The following GPR63 variants were observed in gnomAD, a reference collection of about 807,000 sequenced individuals.
GPR63 encodes probable G protein-coupled receptor 63.
Under a neutral mutation model 23.1 loss-of-function variants are expected in GPR63, and 12 were observed. The observed-to-expected ratio is 0.52, with a 90% CI of 0.33 to 0.84. GPR63 has a LOEUF of 0.84. GPR63 is among the 40% of genes least tolerant of loss of function. The pLI is 0.02. For missense variants in GPR63, 472 were observed against 515.6 expected, an observed-to-expected ratio of 0.92 and a Z score of 0.82; for synonymous variants, 172 against 191.1, an observed-to-expected ratio of 0.90 and a Z score of 0.82.
chr6:96,800,340 C>G (rs2127943034), intron 1 of GPR63, among the ~76,000 whole-genome samples: 1 of 152,072 alleles, frequency 6.6e-6, no homozygotes, highest in Non-Finnish European at 1.5e-5. Context: ...AGCACAAAAC[C>G]AGATGACAAA....
intron 1 of GPR63, among the ~76,000 whole-genome samples, chr6:96,814,861 G>T (rs1774124529): frequency 6.6e-6 from 1 of 152,080 alleles, no homozygotes; most frequent in Non-Finnish European, 1.5e-5. Context: ...CTAAAACAAG[G>T]ACATTTCTGT....
At chr6:96,831,916 T>A (rs1008970062) in intron 1 of GPR63, among the ~76,000 whole-genome samples, 21 of 150,854 alleles carry the variant, frequency 1.4e-4, no homozygotes, top group East Asian at 1.9e-4. Context: ...AAAAAAAAAA[T>A]AAAAAATAAA....
At chr6:96,805,608 T>C (rs34449385) in intron 1 of GPR63, among the ~76,000 whole-genome samples, 6,063 of 152,298 alleles carry the variant, frequency 0.04, 149 homozygotes, top group Non-Finnish European at 0.058. Flanking sequence ...ATGCCATGGT[T>C]ATTCTACCAG....
Position 96,825,816 on chromosome 6 carries a change from C to T in GPR63, c.-151+11452G>A, listed in dbSNP as rs190218538. ...TTAGTCTTTTTTTTTATTTATTCAGCTTCATTTACTACTATACTTGCTTTT... is the reference window on the plus strand; with the variant it reads ...TTAGTCTTTTTTTTTATTTATTCAGTTTCATTTACTACTATACTTGCTTTT... On this transcript the variant is annotated intron_variant, in intron 1 of 1. Coordinates refer to ENST00000229955, the MANE Select transcript of GPR63 (RefSeq NM_030784.4). Among the ~76,000 whole-genome samples the T allele has an allele frequency of 4.6e-4, 70 of 151,874 alleles. 1 individual carries two copies. Among genetic ancestry groups the T allele is most frequent in the African/African-American group, 1.4e-3 (60 of 41,452 alleles).
chr6:96,817,260 A>G (rs1429900428), intron 1 of GPR63, among the ~76,000 whole-genome samples: 2 of 152,242 alleles, frequency 1.3e-5, no homozygotes, highest in African/African-American at 4.8e-5. Flanking sequence ...CAACATATGT[A>G]AACATGTTCT....
At chr6:96,808,767 T>A (rs955977197) in intron 1 of GPR63, among the ~76,000 whole-genome samples, 3 of 151,884 alleles carry the variant, frequency 2.0e-5, no homozygotes, top group Admixed American at 6.6e-5. Context: ...CAGCTTCTTT[T>A]TTTTATTTTA....
At position 96,797,919 on chromosome 6, in the gene GPR63, A is replaced by C. The variant is rs1773633879; in HGVS notation, c.*553T>G. On this transcript the variant is annotated 3_prime_UTR_variant, in exon 2 of 2. Coordinates refer to ENST00000229955, the MANE Select transcript of GPR63 (RefSeq NM_030784.4). ...ATGTATAAAAACAATTCTGAAAAAT[A>C]AGACTGAATTAATTTGTACATTATC... 1 of 152,438 alleles carries C rather than the reference A, an allele frequency of 6.6e-6. No individual in the cohort carries two copies. Among genetic ancestry groups the C allele is most frequent in the Non-Finnish European group, 1.5e-5 (1 of 68,200 alleles). 9.4% of individuals were successfully genotyped at this position (152,438 alleles called of 1,614,324 possible). A position where few individuals can be genotyped will look rare whatever the true frequency, so the allele number is the denominator to read the frequency against.
chr6:96,813,218 C>T (rs569111556), intron 1 of GPR63, among the ~76,000 whole-genome samples: 2 of 152,232 alleles, frequency 1.3e-5, no homozygotes, highest in African/African-American at 4.8e-5. Flanking sequence ...TGTACATATA[C>T]ATGTTCTTTA....
chr6:96,825,366 G>A (rs1774414776), intron 1 of GPR63, among the ~76,000 whole-genome samples: 1 of 152,010 alleles, frequency 6.6e-6, no homozygotes, highest in South Asian at 2.1e-4. Flanking sequence ...ACAACATTCA[G>A]TGAAATGATC....
rs933606914 is a variant in GPR63, at chr6:96,798,344, C to G, written c.*128G>C. On this transcript the variant is annotated 3_prime_UTR_variant, in exon 2 of 2. Coordinates refer to ENST00000229955, the MANE Select transcript of GPR63 (RefSeq NM_030784.4). ...AACAGAACTATAATTACCATTCTTTCTTTACACTGCTCACACACATACATA... is the reference window on the plus strand; with the variant it reads ...AACAGAACTATAATTACCATTCTTTGTTTACACTGCTCACACACATACATA... 10 of 881,090 alleles carry G rather than the reference C, an allele frequency of 1.1e-5. No homozygotes were observed. The highest frequency in any genetic ancestry group is 1.7e-5 in the Non-Finnish European group (10 of 583,432). The allele number at this position is 881,090 out of a possible 1,614,324, so 54.6% of individuals were successfully genotyped here.
intron 1 of GPR63, among the ~76,000 whole-genome samples, chr6:96,832,966 A>G (rs1774628035): frequency 6.6e-6 from 1 of 152,242 alleles, no homozygotes; most frequent in Non-Finnish European, 1.5e-5. Flanking sequence ...ATCATTCAAG[A>G]AATGAATAAT....
intron 1 of GPR63, among the ~76,000 whole-genome samples, chr6:96,800,430 T>TA (rs1432526816): frequency 5.3e-5 from 8 of 152,216 alleles, no homozygotes; most frequent in African/African-American, 1.9e-4. Context: ...AGGCACTAAG[T>TA]AATTGTCAAT....
chr6:96,802,246 T>C (rs1004191126), intron 1 of GPR63, among the ~76,000 whole-genome samples: 3 of 152,194 alleles, frequency 2.0e-5, no homozygotes, highest in African/African-American at 7.2e-5. Context: ...ATTTGCATAG[T>C]CATTGTATCT....
At chr6:96,822,584 G>A (rs1774341551) in intron 1 of GPR63, among the ~76,000 whole-genome samples, 1 of 152,082 alleles carries the variant, frequency 6.6e-6, no homozygotes, top group Non-Finnish European at 1.5e-5. Context: ...TAAATCTTTG[G>A]CATATACTTT....
intron 1 of GPR63, among the ~76,000 whole-genome samples, chr6:96,809,792 C>CT (rs1408009651): frequency 2.6e-5 from 4 of 152,154 alleles, no homozygotes; most frequent in Non-Finnish European, 5.9e-5. Flanking sequence ...CATTCATTAA[C>CT]TAAGATGTTC....
At chr6:96,815,056 T>G (rs531518281) in intron 1 of GPR63, among the ~76,000 whole-genome samples, 3 of 152,304 alleles carry the variant, frequency 2.0e-5, no homozygotes, top group East Asian at 3.9e-4. Flanking sequence ...TTTTCTAAAT[T>G]TTTATGTGCA....
At chr6:96,834,739 G>A (rs532606697) in intron 1 of GPR63, among the ~76,000 whole-genome samples, 1 of 152,286 alleles carries the variant, frequency 6.6e-6, no homozygotes, top group South Asian at 2.1e-4. Context: ...AGCTTCAGCT[G>A]TGAAATGTGG....
At chr6:96,823,576 G>A (rs1774363070) in intron 1 of GPR63, among the ~76,000 whole-genome samples, 1 of 152,072 alleles carries the variant, frequency 6.6e-6, no homozygotes, top group Non-Finnish European at 1.5e-5. Flanking sequence ...TTACAGTAAG[G>A]TATTGAAGAA....
At chr6:96,835,002 T>C (rs6568627) in intron 1 of GPR63, among the ~76,000 whole-genome samples, 42,669 of 152,018 alleles carry the variant, frequency 0.28, 6,048 homozygotes, top group South Asian at 0.31. Context: ...AAGAAAACAC[T>C]ATATTGACAA....
Sources: allele counts gnomAD v4.1 joint callset (sites outside exome capture counted in the v4.1 genomes callset), GRCh38; gene constraint gnomAD v4.1.1; transcripts MANE v1.5; gene names NCBI Gene and HGNC (gene_info 2026-07-23, HGNC 2026-07-21).